The following FBXW11 variants were observed in gnomAD, a reference collection of about 807,000 sequenced individuals.
FBXW11 encodes the protein F-box and WD repeat domain containing 11.
FBXW11 carries 19 observed loss-of-function variants against 77.6 expected under a neutral mutation model. That is an observed-to-expected ratio of 0.24 (90% CI 0.17 to 0.36). FBXW11 has a LOEUF of 0.36. Among genes scored for constraint, FBXW11 ranks in the 10% least tolerant of loss-of-function variants. The probability of loss-of-function intolerance (pLI) is 1.00; values close to 1 mark genes in which losing one functional copy is unlikely to be tolerated. For missense variants in FBXW11, 334 were observed against 704.2 expected, an observed-to-expected ratio of 0.47 and a Z score of 5.95; for synonymous variants, 235 against 249.4, an observed-to-expected ratio of 0.94 and a Z score of 0.54.
At chr5:171,947,449 A>G (rs1763070660) in intron 2 of FBXW11, among the ~76,000 whole-genome samples, 1 of 152,106 alleles carries the variant, frequency 6.6e-6, no homozygotes, top group African/African-American at 2.4e-5. Context: ...CTGTAATCTC[A>G]GGATTTTGCA....
intron 9 of FBXW11, 150 bp from the exon 10 acceptor site, chr5:171,873,140 G>A (rs1757856987): frequency 3.1e-6 from 2 of 652,112 alleles, no homozygotes; most frequent in Non-Finnish European, 5.2e-6. Flanking sequence ...GGAGGCTGGG[G>A]GGCAGACTAG....
chr5:171,952,866 G>C (rs1345947187), intron 2 of FBXW11, among the ~76,000 whole-genome samples: 1 of 151,282 alleles, frequency 6.6e-6, no homozygotes, highest in Non-Finnish European at 1.5e-5. Flanking sequence ...TTTTTCTTTC[G>C]CAATTTTTTT....
intron 7 of FBXW11, among the ~76,000 whole-genome samples, chr5:171,882,203 T>A (rs987871514): frequency 3.3e-5 from 5 of 152,238 alleles, no homozygotes; most frequent in African/African-American, 1.2e-4. Flanking sequence ...CTCAATACTA[T>A]AAAATTCTAA....
chr5:171,864,198 T>A (rs1235120662), intron 13 of FBXW11, 97 bp from the exon 14 acceptor site: 1 of 152,200 alleles, frequency 6.6e-6, no homozygotes, highest in Non-Finnish European at 1.5e-5. Context: ...CACAGCTACA[T>A]GCAAAACTTA....
chr5:171,993,878 T>C (rs560662719), intron 1 of FBXW11, among the ~76,000 whole-genome samples: 1 of 152,306 alleles, frequency 6.6e-6, no homozygotes, highest in Admixed American at 6.5e-5. Context: ...AAAAATTCAG[T>C]TACTTTGAGC....
At chr5:171,991,181 C>T (rs991482330) in intron 1 of FBXW11, among the ~76,000 whole-genome samples, 1 of 152,062 alleles carries the variant, frequency 6.6e-6, no homozygotes, top group Non-Finnish European at 1.5e-5. Context: ...AAAAATTTGT[C>T]GAGTATTGAT....
intron 1 of FBXW11, among the ~76,000 whole-genome samples, chr5:171,984,015 C>T (rs1364280356): frequency 1.3e-5 from 2 of 150,768 alleles, no homozygotes; most frequent in Admixed American, 6.6e-5. Context: ...CATAATAAAA[C>T]GGATGAATTT....
chr5:171,913,807 C>CCACACACA (rs773692324), intron 3 of FBXW11, among the ~76,000 whole-genome samples: 6 of 97,906 alleles, frequency 6.1e-5, no homozygotes, highest in South Asian at 3.2e-4. Flanking sequence ...AAACCCCCAA[C>CCACACACA]CACACACACA....
rs188835130 is a variant in FBXW11, at chr5:171,969,757, A to G, written c.46-12059T>C. Among the ~76,000 whole-genome samples, 53 of 152,304 alleles carry G rather than the reference A, an allele frequency of 3.5e-4. No homozygotes were observed. In the East Asian group the frequency reaches 8.7e-3, roughly 25 times the overall value. On this transcript the variant is annotated intron_variant, in intron 1 of 13. Transcript: ENST00000517395. Reference sequence around the variant, plus strand: ...CGCTCTGTCACCCAGGCTGGAGTACACTGGCATGATTTCGGCTCACTGCAA... The same window carrying G: ...CGCTCTGTCACCCAGGCTGGAGTACGCTGGCATGATTTCGGCTCACTGCAA...
chr5:171,993,618 A>C (rs1027193245), intron 1 of FBXW11, among the ~76,000 whole-genome samples: 2 of 152,104 alleles, frequency 1.3e-5, no homozygotes, highest in African/African-American at 2.4e-5. Flanking sequence ...GTCTCAAAAA[A>C]AAAGAAAAGA....
At chr5:171,987,101 G>A (rs1188981302) in intron 1 of FBXW11, among the ~76,000 whole-genome samples, 1 of 152,138 alleles carries the variant, frequency 6.6e-6, no homozygotes, top group East Asian at 1.9e-4. Flanking sequence ...TGTCTAAGGT[G>A]GAACAGTTCC....
At chr5:171,916,859 G>A (rs569385014) in intron 2 of FBXW11, among the ~76,000 whole-genome samples, 1 of 152,248 alleles carries the variant, frequency 6.6e-6, no homozygotes, top group Admixed American at 6.5e-5. Context: ...GTACTGCAGA[G>A]GAAACATATG....
intron 2 of FBXW11, among the ~76,000 whole-genome samples, chr5:171,922,122 T>G (rs1761634923): frequency 6.6e-6 from 1 of 152,076 alleles, no homozygotes; most frequent in Admixed American, 6.5e-5. Flanking sequence ...ACTAGATATA[T>G]CTCAAACTTT....
At chr5:171,900,489 G>C (rs897409804) in intron 4 of FBXW11, among the ~76,000 whole-genome samples, 2 of 152,102 alleles carry the variant, frequency 1.3e-5, no homozygotes, top group Non-Finnish European at 2.9e-5. Context: ...CACTCCCTTG[G>C]CTTTACTACT....
chr5:171,949,905 T>A (rs1329378371), intron 2 of FBXW11, among the ~76,000 whole-genome samples: 1 of 152,126 alleles, frequency 6.6e-6, no homozygotes, highest in Non-Finnish European at 1.5e-5. Flanking sequence ...TTACCCAGCT[T>A]CTCAAAAGTA....
chr5:171,896,103 C>T (rs567861037), intron 6 of FBXW11, among the ~76,000 whole-genome samples: 4 of 152,154 alleles, frequency 2.6e-5, no homozygotes, highest in Non-Finnish European at 5.9e-5. Flanking sequence ...AGCCAATTTT[C>T]GGTGGGTCAA....
At chr5:171,895,916 T>C (rs890700278) in intron 6 of FBXW11, among the ~76,000 whole-genome samples, 5 of 152,194 alleles carry the variant, frequency 3.3e-5, no homozygotes, top group African/African-American at 1.2e-4. Flanking sequence ...TCCTTCTCAA[T>C]TCAGAGGCCC....
intron 2 of FBXW11, among the ~76,000 whole-genome samples, chr5:171,933,912 G>C (rs1762346923): frequency 6.6e-6 from 1 of 152,074 alleles, no homozygotes; most frequent in Non-Finnish European, 1.5e-5. Flanking sequence ...GAAGAGGCAG[G>C]GAGTAAGGGA....
intron 1 of FBXW11, among the ~76,000 whole-genome samples, chr5:171,960,300 G>A (rs1763838742): frequency 6.6e-6 from 1 of 152,178 alleles, no homozygotes; most frequent in Non-Finnish European, 1.5e-5. Context: ...GCTTGAGCTT[G>A]GAAGGTGGAG....
Sources: allele counts gnomAD v4.1 joint callset (sites outside exome capture counted in the v4.1 genomes callset), GRCh38; gene constraint gnomAD v4.1.1; transcripts MANE v1.5; gene names NCBI Gene and HGNC (gene_info 2026-07-23, HGNC 2026-07-21).